IPMK: variants seen among roughly 807,000 people sequenced by gnomAD.
IPMK encodes the protein inositol 1,3,4,6-tetrakisphosphate 5-kinase.
IPMK carries 17 observed loss-of-function variants against 45.8 expected under a neutral mutation model. The ratio of observed to expected loss-of-function variants is 0.37; its 90% CI spans 0.25 to 0.56. The LOEUF (loss-of-function observed/expected upper bound fraction) is 0.56, where lower values mean the gene tolerates loss of function less well. IPMK is among the 20% of genes least tolerant of loss of function. The pLI, the probability that IPMK is intolerant of heterozygous loss-of-function variation, is 0.79. For missense variants in IPMK, 399 were observed against 498.0 expected (o/e 0.80, Z 1.89); for synonymous variants, 180 against 184.3 (o/e 0.98, Z 0.19).
intron 1 of IPMK, among the ~76,000 whole-genome samples, chr10:58,238,242 A>G (rs972251500): frequency 5.3e-5 from 8 of 152,240 alleles, no homozygotes; most frequent in Admixed American, 3.3e-4. Context: ...TGAATTTCCT[A>G]CTTGGTAATT....
At chr10:58,228,047 C>T (rs1187813908) in intron 2 of IPMK, among the ~76,000 whole-genome samples, 4 of 152,126 alleles carry the variant, frequency 2.6e-5, no homozygotes, top group Non-Finnish European at 5.9e-5. Context: ...ACCAAATATC[C>T]AAGTGGTACA....
At position 58,195,605 on chromosome 10, in the gene IPMK, T is replaced by G. The variant is rs1387765139; in HGVS notation, c.*471A>C. Reference sequence around the variant, plus strand: ...ACCTAAACAGTACTTATTTCTGAAGTAGAATTTTCTCCAGTTTTAGTAACT... The same window carrying G: ...ACCTAAACAGTACTTATTTCTGAAGGAGAATTTTCTCCAGTTTTAGTAACT... On this transcript the variant is annotated 3_prime_UTR_variant, in exon 6 of 6. Coordinates refer to ENST00000373935, the MANE Select transcript of IPMK (RefSeq NM_152230.5). The G allele has an allele frequency of 6.5e-6, 1 of 153,292 alleles. No homozygotes were observed. The highest frequency in any genetic ancestry group is 1.5e-5 in the Non-Finnish European group (1 of 68,818). 9.5% of individuals were successfully genotyped at this position (153,292 alleles called of 1,614,324 possible). A position where few individuals can be genotyped will look rare whatever the true frequency, so the allele number is the denominator to read the frequency against.
intron 2 of IPMK, among the ~76,000 whole-genome samples, chr10:58,229,718 AAG>A (rs1430939258): frequency 6.6e-6 from 1 of 152,064 alleles, no homozygotes; most frequent in Non-Finnish European, 1.5e-5. Flanking sequence ...AGAGGAAAGA[AAG>A]AGGGGGGTGT....
intron 2 of IPMK, among the ~76,000 whole-genome samples, chr10:58,228,972 T>C (rs1230078058): frequency 2.0e-5 from 3 of 152,116 alleles, no homozygotes; most frequent in Admixed American, 6.5e-5. Flanking sequence ...ACTCAAGACC[T>C]GAACCAAAGG....
chr10:58,249,284 A>G (rs1026591236), intron 1 of IPMK, among the ~76,000 whole-genome samples: 1 of 152,158 alleles, frequency 6.6e-6, no homozygotes, highest in Non-Finnish European at 1.5e-5. Flanking sequence ...GCAGCGGCAC[A>G]ATCATAGCTC....
chr10:58,196,506 G>T lies in IPMK; in HGVS notation c.821C>A (p.Ala274Glu), dbSNP rs1175346308. Residue 274 changes from alanine to glutamate, a missense_variant, in exon 6 of 6, where the codon GCA becomes GAA. Ala to Glu is a moderately radical substitution (Grantham distance 107, BLOSUM62 -1). Around this residue, in one of 2 missense-constraint regions of IPMK, gnomAD observed 288 missense variants for 398.0 expected, o/e 0.72. Transcript: ENST00000373935. ...TTGTCCTTTGGACAAAAACTTTTCT[G>T]CCAAAGTTCTGTCATTCAATTTTGT... ...TTTKLNDRTL[A>E]EKFLSKGQLS... 8.1e-6 allele frequency: 13 copies of T among 1,613,764 alleles called. No homozygotes were observed. Among genetic ancestry groups the T allele is most frequent in the Non-Finnish European group, 1.0e-5 (12 of 1,179,916 alleles).
chr10:58,257,365 T>C (rs2790150), intron 1 of IPMK, among the ~76,000 whole-genome samples: 51,346 of 151,818 alleles, frequency 0.34, 10,931 homozygotes, highest in African/African-American at 0.61. Flanking sequence ...CATGGTGGCA[T>C]GTGCCTGTAG....
intron 1 of IPMK, among the ~76,000 whole-genome samples, chr10:58,243,147 G>C (rs1564537204): frequency 6.6e-6 from 1 of 152,038 alleles, no homozygotes; most frequent in African/African-American, 2.4e-5. Context: ...AAAAAAATCA[G>C]AGAAAGGCAC....
At chr10:58,236,393 A>C (rs1838613710) in intron 2 of IPMK, among the ~76,000 whole-genome samples, 1 of 152,206 alleles carries the variant, frequency 6.6e-6, no homozygotes, top group Non-Finnish European at 1.5e-5. Context: ...AAAAGATCTT[A>C]AGCACTCCCA....
At position 58,227,124 on chromosome 10, in the gene IPMK, A is replaced by C; in HGVS notation, c.292T>G (p.Cys98Gly). 6.2e-7 allele frequency: 1 copy of C among 1,612,818 alleles called. No homozygotes were observed. Among genetic ancestry groups the C allele is most frequent in the Non-Finnish European group, 8.5e-7 (1 of 1,179,122 alleles). Residue 98 changes from cysteine (C) to glycine (G), a missense_variant, in exon 3 of 6, where the codon TGT becomes GGT. This residue lies in a region of IPMK where 288 missense variants were observed against 398.0 expected (regional missense o/e 0.72). Coordinates refer to ENST00000373935, the MANE Select transcript of IPMK (RefSeq NM_152230.5). ...EFYNMVYAAD[C>G]FDGVLLELRK... is the part of the protein sequence containing the mutation. ...AGCTCTAGAAGAACACCATCAAAACAGTCAGCAGCATAAACCTGAAACAGA... is the reference window on the plus strand; with the variant it reads ...AGCTCTAGAAGAACACCATCAAAACCGTCAGCAGCATAAACCTGAAACAGA...
intron 4 of IPMK, among the ~76,000 whole-genome samples, chr10:58,214,941 G>A (rs1405813082): frequency 6.6e-6 from 1 of 152,116 alleles, no homozygotes; most frequent in Non-Finnish European, 1.5e-5. Flanking sequence ...CATCGGAGGT[G>A]GAGTCTGTTT....
rs1187778520 is a variant in IPMK at position 58,192,453 on chromosome 10, A to G, written c.*3623T>C. Reference sequence around the variant, plus strand: ...TATGCTATCTGTAACTAATACCCAAACTTAAATAGAGGTTACAATACTGTA... The same window carrying G: ...TATGCTATCTGTAACTAATACCCAAGCTTAAATAGAGGTTACAATACTGTA... On this transcript the variant is annotated 3_prime_UTR_variant, in exon 6 of 6. Coordinates refer to ENST00000373935, the MANE Select transcript of IPMK (RefSeq NM_152230.5). 6.6e-6 allele frequency: 1 copy of G among 152,032 alleles called. No homozygotes were observed. Among genetic ancestry groups the G allele is most frequent in the East Asian group, 1.9e-4 (1 of 5,200 alleles). 9.4% of individuals were successfully genotyped at this position (152,032 alleles called of 1,614,324 possible).
At chr10:58,240,117 T>C (rs776364216) in intron 1 of IPMK, among the ~76,000 whole-genome samples, 1 of 152,068 alleles carries the variant, frequency 6.6e-6, no homozygotes, top group Non-Finnish European at 1.5e-5. Context: ...CAAGCAAGCA[T>C]GTTAAAACAA....
chr10:58,240,218 ACT>A (rs1212241526), intron 1 of IPMK, among the ~76,000 whole-genome samples: 1 of 152,112 alleles, frequency 6.6e-6, no homozygotes, highest in Admixed American at 6.6e-5. Context: ...ACAAAAAAAA[ACT>A]CTAAAACTGA....
At chr10:58,242,539 T>C (rs1413612862) in intron 1 of IPMK, among the ~76,000 whole-genome samples, 18 of 150,246 alleles carry the variant, frequency 1.2e-4, no homozygotes, top group Non-Finnish European at 1.8e-4. Context: ...GTGGAAATAG[T>C]AGAAATAAAA....
intron 2 of IPMK, among the ~76,000 whole-genome samples, chr10:58,233,234 C>G (rs1312211065): frequency 6.6e-6 from 1 of 152,096 alleles, no homozygotes; most frequent in Non-Finnish European, 1.5e-5. Flanking sequence ...CCGAATTCTA[C>G]CAGAAGTACA....
chr10:58,232,186 T>C (rs1838534227), intron 2 of IPMK, among the ~76,000 whole-genome samples: 1 of 152,098 alleles, frequency 6.6e-6, no homozygotes, highest in Non-Finnish European at 1.5e-5. Flanking sequence ...ATAAGGCAAG[T>C]CCTGAGAGAC....
intron 3 of IPMK, among the ~76,000 whole-genome samples, chr10:58,222,395 T>C (rs1039694983): frequency 1.3e-5 from 2 of 152,224 alleles, no homozygotes; most frequent in African/African-American, 4.8e-5. Flanking sequence ...GACGTGTGTG[T>C]ATCATAAAGA....
chr10:58,242,150 GTTAAAATAA>G (rs995152183), intron 1 of IPMK, among the ~76,000 whole-genome samples: 13 of 152,224 alleles, frequency 8.5e-5, no homozygotes, highest in African/African-American at 3.1e-4. Context: ...TGACAGTGAT[GTTAAAATAA>G]TCAGACAGGG....
Sources: allele counts gnomAD v4.1 joint callset (sites outside exome capture counted in the v4.1 genomes callset), GRCh38; gene constraint gnomAD v4.1.1; regional missense constraint gnomAD v4.1.1; transcripts MANE v1.5; gene names NCBI Gene and HGNC (gene_info 2026-07-23, HGNC 2026-07-21).